Variants in ANKS1B observed in about 807,000 individuals in gnomAD.
The protein encoded by ANKS1B is ankyrin repeat and sterile alpha motif domain-containing protein 1B.
In ANKS1B, 36 loss-of-function variants were observed where a neutral mutation model predicts 148.3. The observed-to-expected ratio is 0.24, with a 90% CI of 0.19 to 0.32. The LOEUF (loss-of-function observed/expected upper bound fraction) is 0.32, where lower values mean the gene tolerates loss of function less well. Among genes scored for constraint, ANKS1B ranks in the 10% least tolerant of loss-of-function variants. The pLI, the probability that ANKS1B is intolerant of heterozygous loss-of-function variation, is 1.00. For synonymous variants in ANKS1B, 542 were observed against 560.8 expected (o/e 0.97, Z 0.47); for missense variants, 1,157 against 1,542.6 (o/e 0.75, Z 4.19).
chr12:99,625,876 G>T (rs542074540), intron 9 of ANKS1B, among the ~76,000 whole-genome samples: 2 of 152,166 alleles, frequency 1.3e-5, no homozygotes, highest in Admixed American at 1.3e-4. Flanking sequence ...TAGAGAATTG[G>T]TTTCTAGTGG....
chr12:98,742,987 G>GAAC (rs1383932192), downstream of ANKS1B, among the ~76,000 whole-genome samples: 1 of 152,164 alleles, frequency 6.6e-6, no homozygotes, highest in Non-Finnish European at 1.5e-5. Flanking sequence ...TCTAAAAAGA[G>GAAC]AACTTAGAAA....
At chr12:99,360,848 C>T (rs539172540) in intron 12 of ANKS1B, among the ~76,000 whole-genome samples, 25 of 152,082 alleles carry the variant, frequency 1.6e-4, no homozygotes, top group African/African-American at 4.3e-4. Context: ...AAGTGAAACA[C>T]GCCAGGCACA....
At chr12:99,749,083 C>T (rs2060865757) in intron 8 of ANKS1B, among the ~76,000 whole-genome samples, 1 of 152,082 alleles carries the variant, frequency 6.6e-6, no homozygotes, top group East Asian at 1.9e-4. Context: ...TTCAAGGCTG[C>T]TGGCTATAGC....
intron 12 of ANKS1B, among the ~76,000 whole-genome samples, chr12:99,278,005 C>CTA (rs1338856202): frequency 6.6e-6 from 1 of 152,178 alleles, no homozygotes; most frequent in Non-Finnish European, 1.5e-5. Context: ...AGACCTAATT[C>CTA]TACATTTTAA....
rs372866715 is a variant in ANKS1B at position 99,360,089 on chromosome 12, A to T, written c.1756+39542T>A. ...TCTTAGCTTTTCTACTTTGAATTGG[A>T]ATTTTTGCTCTTTTTCACTTCTCAG... On this transcript the variant is annotated intron_variant, in intron 12 of 26. Coordinates refer to ENST00000683438, the MANE Select transcript of ANKS1B (RefSeq NM_001352186.2). Among the ~76,000 whole-genome samples the T allele has an allele frequency of 2.1e-3, 320 of 152,244 alleles. 7 individuals are homozygous for T. The South Asian group carries it at 0.037, about 17-fold the overall frequency.
chr12:99,647,484 A>G (rs994238498), intron 9 of ANKS1B, among the ~76,000 whole-genome samples: 10 of 152,222 alleles, frequency 6.6e-5, no homozygotes, highest in Admixed American at 2.0e-4. Context: ...CAGAGAATGT[A>G]TATTAAACTC....
intron 12 of ANKS1B, among the ~76,000 whole-genome samples, chr12:99,327,385 T>C (rs1161125470): frequency 3.1e-5 from 4 of 131,070 alleles, no homozygotes; most frequent in Admixed American, 2.7e-4. Flanking sequence ...TATATAATTA[T>C]ATATTATAAT....
At chr12:99,456,560 A>G (rs566115163) in intron 10 of ANKS1B, among the ~76,000 whole-genome samples, 1 of 152,208 alleles carries the variant, frequency 6.6e-6, no homozygotes, top group Admixed American at 6.5e-5. Flanking sequence ...CTCCAGTGAA[A>G]TAGATAGCAT....
At chr12:99,033,250 C>A (rs1426372275) in intron 17 of ANKS1B, among the ~76,000 whole-genome samples, 1 of 152,188 alleles carries the variant, frequency 6.6e-6, no homozygotes. Context: ...GACCTTGACT[C>A]TTATTAGCAG....
At chr12:99,653,705 A>G (rs1173136770) in intron 9 of ANKS1B, among the ~76,000 whole-genome samples, 1 of 129,110 alleles carries the variant, frequency 7.7e-6, no homozygotes, top group Non-Finnish European at 1.6e-5. Context: ...TTTGAGACAG[A>G]GTCTCACTCT....
intron 15 of ANKS1B, among the ~76,000 whole-genome samples, chr12:99,118,054 C>A (rs1246073605): frequency 6.6e-6 from 1 of 152,138 alleles, no homozygotes; most frequent in African/African-American, 2.4e-5. Flanking sequence ...TCCCCTTTAT[C>A]ATTTATTTAA....
intron 8 of ANKS1B, among the ~76,000 whole-genome samples, chr12:99,695,913 T>A (rs2053826050): frequency 6.6e-6 from 1 of 151,960 alleles, no homozygotes; most frequent in Non-Finnish European, 1.5e-5. Context: ...TAAAAGATGG[T>A]AACAATAGAC....
chr12:99,515,838 T>G (rs1171411097), intron 9 of ANKS1B, among the ~76,000 whole-genome samples: 1 of 152,176 alleles, frequency 6.6e-6, no homozygotes, highest in Non-Finnish European at 1.5e-5. Flanking sequence ...ATTGCCTGTC[T>G]TTTGGATAAA....
intron 12 of ANKS1B, among the ~76,000 whole-genome samples, chr12:99,286,243 T>A (rs912325253): frequency 2.0e-5 from 3 of 151,042 alleles, no homozygotes; most frequent in African/African-American, 7.3e-5. Context: ...CCAGGGAGAG[T>A]CTGACAGCCC....
chr12:98,738,343 A>C (rs2097783157), intron 9 of ANKS1B, among the ~76,000 whole-genome samples: 1 of 152,178 alleles, frequency 6.6e-6, no homozygotes, highest in Non-Finnish European at 1.5e-5. Context: ...CTGCCTCTGT[A>C]ATTTCCATCA....
chr12:99,932,615 T>C (rs1210528062), intron 1 of ANKS1B, among the ~76,000 whole-genome samples: 6 of 152,196 alleles, frequency 3.9e-5, no homozygotes, highest in Admixed American at 2.6e-4. Flanking sequence ...AATATTTTAA[T>C]TGAATTACTA....
chr12:99,743,815 A>C (rs1030714499), intron 8 of ANKS1B, among the ~76,000 whole-genome samples: 1 of 152,192 alleles, frequency 6.6e-6, no homozygotes, highest in Non-Finnish European at 1.5e-5. Context: ...ATTTCAACTA[A>C]AGTTCTCCAT....
chr12:98,850,912 C>A (rs1398037420), intron 17 of ANKS1B, among the ~76,000 whole-genome samples: 1 of 152,186 alleles, frequency 6.6e-6, no homozygotes, highest in African/African-American at 2.4e-5. Context: ...TTTAACTAGG[C>A]ACAGAGTTCT....
intron 12 of ANKS1B, among the ~76,000 whole-genome samples, chr12:99,285,449 A>G (rs1387201779): frequency 6.6e-6 from 1 of 152,182 alleles, no homozygotes; most frequent in Non-Finnish European, 1.5e-5. Context: ...TTCTATCGCC[A>G]TTTGTTTTCA....
Sources: gnomAD v4.1 joint callset for allele counts (sites outside exome capture counted in the v4.1 genomes callset) on GRCh38, gnomAD v4.1.1 for gene constraint, MANE v1.5 for transcripts, NCBI Gene and HGNC (gene_info 2026-07-23, HGNC 2026-07-21) for gene names.